CSPG4: variants seen among roughly 807,000 people sequenced by gnomAD.
CSPG4 encodes chondroitin sulfate proteoglycan 4 (melanoma-associated).
In CSPG4, 74 loss-of-function variants were observed where a neutral mutation model predicts 139.3. That is an observed-to-expected ratio of 0.53 (90% CI 0.44 to 0.64). The LOEUF (loss-of-function observed/expected upper bound fraction) is 0.64, where lower values mean the gene tolerates loss of function less well. Among genes scored for constraint, CSPG4 ranks in the 30% least tolerant of loss-of-function variants. The pLI, the probability that CSPG4 is intolerant of heterozygous loss-of-function variation, is 0.00. For missense variants in CSPG4, 2,565 were observed against 3,148.3 expected, an observed-to-expected ratio of 0.81 and a Z score of 4.43; for synonymous variants, 1,234 against 1,394.2, an observed-to-expected ratio of 0.89 and a Z score of 2.56.
At chr15:75,683,776 G>A (rs1894013333) in intron 5 of CSPG4, among the ~76,000 whole-genome samples, 1 of 152,174 alleles carries the variant, frequency 6.6e-6, no homozygotes, top group African/African-American at 2.4e-5. Context: ...AGAGCCTTCT[G>A]GCATTCCTGG....
At chr15:75,682,575 CACCCA>C (rs1893989378) in intron 7 of CSPG4, 27 bp downstream of exon 7, 9 of 1,606,872 alleles carry the variant, frequency 5.6e-6, no homozygotes, top group Non-Finnish European at 7.7e-6. Flanking sequence ...CAGCTCCTGG[CACCCA>C]GGAATGCCCA....
rs375727836 is a variant in CSPG4 at position 75,691,976 on chromosome 15, C to T, written c.252+1094G>A. 5.3e-4 allele frequency among the ~76,000 whole-genome samples: 81 copies of T among 152,132 alleles called. 2 individuals carry two copies. Among genetic ancestry groups the T allele is most frequent in the Middle Eastern group, 3.4e-3 (1 of 294 alleles). On this transcript the variant is annotated intron_variant, in intron 2 of 9. Coordinates refer to ENST00000308508, the MANE Select transcript of CSPG4 (RefSeq NM_001897.5). ...CCCCATGGGGTGTGGAAGGAGATGG[C>T]TGCCCCAAATTTGTTTTTTTTTGAG...
intron 1 of CSPG4, among the ~76,000 whole-genome samples, chr15:75,700,694 T>C (rs1894290867): frequency 6.6e-6 from 1 of 152,062 alleles, no homozygotes; most frequent in Non-Finnish European, 1.5e-5. Flanking sequence ...CCCTTGGCTC[T>C]GGCAGCAGAA....
In CSPG4 at chr15:75,698,510, T is replaced by G. The variant is rs1894258215; in HGVS notation, c.89-5277A>C. Among the ~76,000 whole-genome samples, 1 of 151,830 alleles carries G rather than the reference T, an allele frequency of 6.6e-6. No homozygotes were observed. The highest frequency in any genetic ancestry group is 1.5e-5 in the Non-Finnish European group (1 of 67,970). ...CCCGATTTTACTTCCGCCACCAATC[T>G]ACTTCCAACCAAGCAGGCAGGGCAT... On this transcript the variant is annotated intron_variant, in intron 1 of 9. Transcript: ENST00000308508. The surrounding 1 kb of genome is among the most constrained non-coding windows in gnomAD (Gnocchi z 4.3).
rs777027289 is a variant in CSPG4 at position 75,693,143 on chromosome 15, G to T, written c.179C>A (p.Pro60His). The change falls in exon 2 of 10, where the codon CCC becomes CAC. Residue 60 changes from proline (P) to histidine (H), a missense_variant. This residue lies in a region of CSPG4 where 30 missense variants were observed against 60.1 expected (regional missense o/e 0.50). Transcript: ENST00000308508. Reference sequence around the variant, plus strand: ...TGCTGCCAGGAGAAGGAGGGCTTCGGGCTGGGACGTGGAGAACTGCAGCTG... The same window carrying T: ...TGCTGCCAGGAGAAGGAGGGCTTCGTGCTGGGACGTGGAGAACTGCAGCTG... ...DLQLQFSTSQ[P>H]EALLLLAAGP... 2.1e-5 allele frequency: 34 copies of T among 1,598,094 alleles called. No individual in the cohort carries two copies. The highest frequency in any genetic ancestry group is 2.3e-4 in the Middle Eastern group (1 of 4,418).
At position 75,676,526 on chromosome 15, in the gene CSPG4, G is replaced by C; in HGVS notation, c.5993C>G (p.Ser1998Trp). 6.2e-7 allele frequency: 1 copy of C among 1,613,740 alleles called. No homozygotes were observed. Among genetic ancestry groups the C allele is most frequent in the East Asian group, 2.2e-5 (1 of 44,874 alleles). Residue 1998 changes from serine (S) to tryptophan (W), a missense_variant, in exon 10 of 10, where the codon TCG becomes TGG. Ser to Trp is a radical substitution (Grantham distance 177). This residue lies in a region of CSPG4 where 2,316 missense variants were observed against 2,818.2 expected (regional missense o/e 0.82). Coordinates refer to ENST00000308508, the MANE Select transcript of CSPG4 (RefSeq NM_001897.5). The part of the protein sequence containing the change: ...GHLLVGGRPT[S>W]AFSQFQIDQG... ...GTCTATCTGGAATTGGCTGAAGGCC[G>C]AGGTGGGCCGCCCGCCCACCAGGAG...
At chr15:75,694,105 A>G (rs1180361263) in intron 1 of CSPG4, among the ~76,000 whole-genome samples, 2 of 152,188 alleles carry the variant, frequency 1.3e-5, no homozygotes, top group African/African-American at 4.8e-5. Flanking sequence ...TAACTTCCCC[A>G]GGCCACCACG....
chr15:75,712,931 G>A (rs926652052), upstream of CSPG4: 28 of 551,114 alleles, frequency 5.1e-5, no homozygotes, highest in African/African-American at 4.5e-4. Context: ...TTCAGGCTTG[G>A]ACTCCCCCAC....
In CSPG4 at chr15:75,687,667, G is replaced by C; in HGVS notation, c.3398C>G (p.Ser1133Cys). The change falls in exon 3 of 10, where the codon TCC (serine) becomes TGC (cysteine). Residue 1133 changes from serine (S) to cysteine (C), a missense_variant. Ser to Cys is a moderately radical substitution (Grantham distance 112). Coordinates refer to ENST00000308508, the MANE Select transcript of CSPG4 (RefSeq NM_001897.5). The surrounding 1 kb of genome is among the most constrained non-coding windows in gnomAD (Gnocchi z 5.4). ...GCCTCCTTGAGGGACCACAAGGCTG[G>C]AGCCGTTGGCCACACGGAGGTAGGG... is the stretch of plus-strand genomic sequence containing the variant. ...SEPYLRVANG[S>C]SLVVPQGGQG... 1 of 1,612,908 alleles carries C rather than the reference G, an allele frequency of 6.2e-7. No individual in the cohort carries two copies. Among genetic ancestry groups the C allele is most frequent in the Non-Finnish European group, 8.5e-7 (1 of 1,179,966 alleles).
intron 2 of CSPG4, among the ~76,000 whole-genome samples, chr15:75,691,640 G>A (rs541720502): frequency 6.6e-6 from 1 of 152,222 alleles, no homozygotes; most frequent in East Asian, 1.9e-4. Context: ...TCTGTGTTCT[G>A]AAAAAAAGCT....
At chr15:75,681,555 C>T (rs547440348) in intron 8 of CSPG4, among the ~76,000 whole-genome samples, 1 of 152,360 alleles carries the variant, frequency 6.6e-6, no homozygotes, top group Non-Finnish European at 1.5e-5. Context: ...CTGGCGGGAG[C>T]ATCACATGTG....
intron 4 of CSPG4, 92 bp downstream of exon 4, chr15:75,685,127 G>C (rs1382432972): frequency 1.4e-6 from 2 of 1,471,452 alleles, no homozygotes; most frequent in Non-Finnish European, 1.8e-6. Flanking sequence ...TCTCCTCTCT[G>C]TGTATAACCC....
At chr15:75,706,638 G>A (rs535130708) in intron 1 of CSPG4, among the ~76,000 whole-genome samples, 1 of 152,262 alleles carries the variant, frequency 6.6e-6, no homozygotes, top group South Asian at 2.1e-4. Context: ...AGGCTCCTGG[G>A]GGTGGCGATA....
At chr15:75,692,290 T>C (rs1894174947) in intron 2 of CSPG4, among the ~76,000 whole-genome samples, 1 of 152,304 alleles carries the variant, frequency 6.6e-6, no homozygotes, top group South Asian at 2.1e-4. Flanking sequence ...GGTTATTTTT[T>C]TCTTTTAAAA....
chr15:75,676,289 G>A lies in CSPG4; in HGVS notation c.6230C>T (p.Thr2077Ile), dbSNP rs550449323. ...VLDAGELANR[T>I]GSVPRFRLLE... ...GAGGCGGAAGCGCGGCACACTGCCT[G>A]TGCGGTTGGCCAGCTCGCCAGCATC... The change falls in exon 10 of 10, where the codon ACA (threonine) becomes ATA (isoleucine). Residue 2077 changes from threonine (T) to isoleucine (I), a missense_variant. By Grantham distance (89) the Thr-to-Ile change is moderately conservative. Transcript: ENST00000308508. 1 of 1,596,448 alleles carries A rather than the reference G, an allele frequency of 6.3e-7. No individual in the cohort carries two copies. Among genetic ancestry groups the A allele is most frequent in the Non-Finnish European group, 8.5e-7 (1 of 1,174,594 alleles).
At chr15:75,712,992 CTG>C, upstream of CSPG4, 1 of 512,270 alleles carries the variant, frequency 2.0e-6, no homozygotes. Context: ...CTGTTCCTCT[CTG>C]GGGCAGGGGT....
chr15:75,688,088 C>A lies in CSPG4; in HGVS notation c.2977G>T (p.Glu993Ter), dbSNP rs1387915856. 1 of 1,612,752 alleles carries A rather than the reference C, an allele frequency of 6.2e-7. No individual in the cohort carries two copies. The highest frequency in any genetic ancestry group is 1.3e-5 in the African/African-American group (1 of 74,954). Reference protein sequence around the residue: ...DIPFVATRQGESSGDMAWEEV... With the variant: ...DIPFVATRQG ...TCCCAGGCCATGTCACCACTGCTCTCGCCCTGGCGGGTAGCAACAAATGGG... is the reference window on the plus strand; with the variant it reads ...TCCCAGGCCATGTCACCACTGCTCTAGCCCTGGCGGGTAGCAACAAATGGG... The change falls in exon 3 of 10, where the codon GAG (glutamate) becomes TAG (stop). Residue 993 changes from glutamate (E) to a stop codon, truncating the protein, a stop_gained. Transcript: ENST00000308508. LOFTEE classifies it high-confidence loss of function.
At chr15:75,705,518 C>T (rs577551060) in intron 1 of CSPG4, among the ~76,000 whole-genome samples, 3 of 152,312 alleles carry the variant, frequency 2.0e-5, no homozygotes, top group Non-Finnish European at 2.9e-5. Context: ...CCTTACAACA[C>T]GTAAGAGGTT....
Position 75,690,744 on chromosome 15 carries a change from G to A in CSPG4, c.321C>T (p.Ser107=), listed in dbSNP as rs757189044. The A allele has an allele frequency of 3.1e-6, 5 of 1,613,092 alleles. No homozygotes were observed. Among genetic ancestry groups the A allele is most frequent in the Admixed American group, 1.7e-5 (1 of 60,010 alleles). Residue 107 remains serine, a synonymous_variant, in exon 3 of 10, where the codon TCC becomes TCT. Coordinates refer to ENST00000308508, the MANE Select transcript of CSPG4 (RefSeq NM_001897.5). ...QTPAETLLSD[S]IPHTVVLTVV... ...CAGTCAGCACCACAGTGTGGGGGAT[G>A]GAGTCACTCAGCAGCGTCTCTGCTG... is the stretch of plus-strand genomic sequence containing the variant.
Sources: gnomAD v4.1 joint callset for allele counts (sites outside exome capture counted in the v4.1 genomes callset) on GRCh38, gnomAD v4.1.1 for gene constraint, gnomAD v4.1.1 regional missense constraint, Gnocchi (gnomAD v3.1) non-coding constraint, MANE v1.5 for transcripts, NCBI Gene and HGNC (gene_info 2026-07-23, HGNC 2026-07-21) for gene names.